ZBTB7A: variants seen among roughly 807,000 people sequenced by gnomAD.
ZBTB7A encodes zinc finger and BTB domain containing 7A, also known as zinc finger and BTB domain-containing protein 7A.
In ZBTB7A, 7 loss-of-function variants were observed where a neutral mutation model predicts 26.7. That is an observed-to-expected ratio of 0.26 (90% CI 0.15 to 0.49). The LOEUF (loss-of-function observed/expected upper bound fraction) is 0.49, where lower values mean the gene tolerates loss of function less well. Ranked by LOEUF, ZBTB7A falls within the 20% of genes least tolerant of loss-of-function variation. The pLI, the probability that ZBTB7A is intolerant of heterozygous loss-of-function variation, is 0.98. For missense variants in ZBTB7A, 617 were observed against 919.5 expected (o/e 0.67, Z 4.25); for synonymous variants, 452 against 441.0 (o/e 1.02, Z -0.31).
At chr19:4,065,517 G>C (rs1429957245) in intron 1 of ZBTB7A, 1 of 145,986 alleles carries the variant, frequency 6.8e-6, no homozygotes, top group Admixed American at 6.8e-5. Flanking sequence ...CCGAGGGGCC[G>C]GGAGGCGGCA....
chr19:4,066,527 C>T (rs1207439473), intron 1 of ZBTB7A, among the ~76,000 whole-genome samples, 155 bp downstream of exon 1: 1 of 151,908 alleles, frequency 6.6e-6, no homozygotes, highest in East Asian at 2.0e-4. Flanking sequence ...CTCCAGCCTC[C>T]GGGCAGCTGC....
chr19:4,049,168 G>GTGTATATATATATATA (rs1403864466), intron 2 of ZBTB7A, among the ~76,000 whole-genome samples: 1 of 14,958 alleles, frequency 6.7e-5, no homozygotes, highest in Non-Finnish European at 1.2e-4. Flanking sequence ...GTGTGTGTGT[G>GTGTATATATATATATA]TATATATATA....
At chr19:4,053,849 G>A (rs1243746790) in intron 2 of ZBTB7A, 122 bp downstream of exon 2, 8 of 1,146,938 alleles carry the variant, frequency 7.0e-6, no homozygotes, top group South Asian at 1.5e-5. Context: ...GTGCACGTGC[G>A]TGTATGTGTG....
intron 1 of ZBTB7A, among the ~76,000 whole-genome samples, chr19:4,061,231 CT>C (rs2040634706): frequency 6.6e-6 from 1 of 152,214 alleles, no homozygotes; most frequent in Admixed American, 6.5e-5. Context: ...CCCTCCTCAC[CT>C]ACCAAGGGAG....
chr19:4,065,393 G>C (rs1433892522), intron 1 of ZBTB7A: 5 of 143,574 alleles, frequency 3.5e-5, no homozygotes, highest in African/African-American at 1.3e-4. Context: ...CCCGGCCCGC[G>C]GTCCCCCGCC....
intron 2 of ZBTB7A, among the ~76,000 whole-genome samples, chr19:4,049,164 G>GTATATATATATATA (rs748377446): frequency 7.1e-4 from 15 of 21,166 alleles, no homozygotes; most frequent in Non-Finnish European, 1.5e-3. Context: ...GTGTGTGTGT[G>GTATATATATATATA]TGTGTATATA....
Position 4,044,686 on chromosome 19 carries a change from CTTTTTTTTTTT to C in ZBTB7A, c.*3055_*3065del, listed in dbSNP as rs1245785335. 1 of 121,954 alleles carries C rather than the reference CTTTTTTTTTTT, an allele frequency of 8.2e-6. No individual in the cohort carries two copies. The highest frequency in any genetic ancestry group is 1.8e-5 in the Non-Finnish European group (1 of 56,858). The allele number at this position is 121,954 out of a possible 1,614,324, so 7.6% of individuals were successfully genotyped here. On this transcript the variant is annotated 3_prime_UTR_variant, in exon 3 of 3. Transcript: ENST00000322357. ...CATTGTTTTTCTTTTTTTTTTTTCT[CTTTTTTTTTTT>C]GTACCAGGCAGTTAAAAAAAAAACA... is the stretch of plus-strand genomic sequence containing the variant.
At chr19:4,053,612 A>G (rs1308399493) in intron 2 of ZBTB7A, among the ~76,000 whole-genome samples, 1 of 131,780 alleles carries the variant, frequency 7.6e-6, no homozygotes, top group Non-Finnish European at 1.6e-5. Flanking sequence ...TGTGTATGTG[A>G]TGTGTATGTG....
At chr19:4,061,301 C>T (rs985253054) in intron 1 of ZBTB7A, among the ~76,000 whole-genome samples, 10 of 152,098 alleles carry the variant, frequency 6.6e-5, no homozygotes, top group South Asian at 2.1e-4. Flanking sequence ...AGAGGGTGGG[C>T]GGCCGGCCCA....
At chr19:4,059,805 C>T (rs1013519161) in intron 1 of ZBTB7A, among the ~76,000 whole-genome samples, 2 of 152,260 alleles carry the variant, frequency 1.3e-5, no homozygotes, top group Admixed American at 6.5e-5. Flanking sequence ...AGGAAAGGGC[C>T]GAAGACCCTG....
chr19:4,048,253 GGGGCACGGGGC>G lies in ZBTB7A; in HGVS notation c.1263-20_1263-10del. The G allele has an allele frequency of 6.3e-7, 1 of 1,576,772 alleles. No individual in the cohort carries two copies. Among genetic ancestry groups the G allele is most frequent in the Non-Finnish European group, 8.6e-7 (1 of 1,168,460 alleles). On this transcript the variant is annotated splice_polypyrimidine_tract_variant and intron_variant, in intron 2 of 2. Transcript: ENST00000322357. This position sits in a 1 kb window ranked among gnomAD's most constrained non-coding sequence, Gnocchi z 6.7. ...CCTTCAGCTTGTCCTGCCTGTGGAC[GGGGCACGGGGC>G]GGGCACGGTCAGTGGGGCCGGGGAC...
rs183509288 is a variant in ZBTB7A at position 4,059,938 on chromosome 19, C to T, written c.-15-4691G>A. Among the ~76,000 whole-genome samples the T allele has an allele frequency of 2.7e-3, 417 of 152,280 alleles. 1 individual carries two copies. Among genetic ancestry groups the T allele is most frequent in the Non-Finnish European group, 4.4e-3 (302 of 68,012 alleles). On this transcript the variant is annotated intron_variant, in intron 1 of 2. Coordinates refer to ENST00000322357, the MANE Select transcript of ZBTB7A (RefSeq NM_015898.4). ...CACTGTGCGCCCGACACACGGTACA[C>T]GCCTCCGGAGGTGGCGGTTTCGTTC...
At chr19:4,049,328 C>T (rs981662446) in intron 2 of ZBTB7A, among the ~76,000 whole-genome samples, 6 of 149,976 alleles carry the variant, frequency 4.0e-5, no homozygotes, top group East Asian at 2.0e-4. Flanking sequence ...TGAGCCACTG[C>T]GCCCGCCATG....
chr19:4,054,469 C>T lies in ZBTB7A; in HGVS notation c.764G>A (p.Gly255Asp). 1 of 1,368,670 alleles carries T rather than the reference C, an allele frequency of 7.3e-7. No individual in the cohort carries two copies. Among genetic ancestry groups the T allele is most frequent in the Non-Finnish European group, 9.4e-7 (1 of 1,069,190 alleles). 84.8% of individuals were successfully genotyped at this position (1,368,670 alleles called of 1,614,324 possible). A position where few individuals can be genotyped will look rare whatever the true frequency, so the allele number is the denominator to read the frequency against. Reference protein sequence around the residue: ...PERDEDAPTGGLFPPPVAPPA... With the variant: ...PERDEDAPTGDLFPPPVAPPA... ...CGGGGCCACCGGCGGCGGAAAGAGA[C>T]CCCCGGTGGGGGCGTCCTCATCCCG... is the stretch of plus-strand genomic sequence containing the variant. The change falls in exon 2 of 3, where the codon GGT becomes GAT. Residue 255 changes from glycine to aspartate, a missense_variant. Coordinates refer to ENST00000322357, the MANE Select transcript of ZBTB7A (RefSeq NM_015898.4).
Position 4,054,340 on chromosome 19 carries a change from G to A in ZBTB7A, c.893C>T (p.Ser298Leu), listed in dbSNP as rs2040545651. Reference sequence around the variant, plus strand: ...CCCGTCCTCGCCCTCGGCCGCTCCCGACAGGAAGCCCGGAGAGTCGCCCGG... The same window carrying A: ...CCCGTCCTCGCCCTCGGCCGCTCCCAACAGGAAGCCCGGAGAGTCGCCCGG... ...PEPGDSPGFL[S>L]GAAEGEDGDG... The change falls in exon 2 of 3, where the codon TCG (serine) becomes TTG (leucine). Residue 298 changes from serine to leucine, a missense_variant. Physicochemically the swap from Ser to Leu is moderately radical, Grantham distance 145. Around this residue, in one of 5 missense-constraint regions of ZBTB7A, gnomAD observed 331 missense variants for 391.3 expected, o/e 0.85. Transcript: ENST00000322357. 5.3e-6 allele frequency: 8 copies of A among 1,505,730 alleles called. No individual in the cohort carries two copies. The highest frequency in any genetic ancestry group is 6.2e-6 in the Non-Finnish European group (7 of 1,135,426). The allele number at this position is 1,505,730 out of a possible 1,614,324, so 93.3% of individuals were successfully genotyped here.
intron 1 of ZBTB7A, among the ~76,000 whole-genome samples, chr19:4,057,852 C>T (rs1013707054): frequency 6.6e-6 from 1 of 152,090 alleles, no homozygotes; most frequent in African/African-American, 2.4e-5. Context: ...CGAACCCCAC[C>T]GGCAGCACCC....
intron 2 of ZBTB7A, 141 bp downstream of exon 2, chr19:4,053,830 C>G: frequency 1.1e-6 from 1 of 945,016 alleles, no homozygotes; most frequent in Non-Finnish European, 1.5e-6. Context: ...TGTGCGTGTA[C>G]GTGTCTGTGT....
intron 1 of ZBTB7A, among the ~76,000 whole-genome samples, chr19:4,066,177 C>T (rs2040694313): frequency 8.0e-6 from 1 of 125,098 alleles, no homozygotes; most frequent in Non-Finnish European, 1.7e-5. Flanking sequence ...CCGAAGCCCC[C>T]CTCCCTGTTT....
At chr19:4,062,676 G>C (rs1396573286) in intron 1 of ZBTB7A, 1 of 152,192 alleles carries the variant, frequency 6.6e-6, no homozygotes, top group Admixed American at 6.5e-5. Flanking sequence ...GAGGAAGGAC[G>C]GCTTATCCTC....
Sources: allele counts gnomAD v4.1 joint callset (sites outside exome capture counted in the v4.1 genomes callset), GRCh38; gene constraint gnomAD v4.1.1; regional missense constraint gnomAD v4.1.1; non-coding constraint Gnocchi (gnomAD v3.1); transcripts MANE v1.5; gene names NCBI Gene and HGNC (gene_info 2026-07-23, HGNC 2026-07-21).